BICRA: variants seen among roughly 807,000 people sequenced by gnomAD.
BICRA encodes the protein BRD4 interacting chromatin remodeling complex associated protein.
Under a neutral mutation model 96.9 loss-of-function variants are expected in BICRA, and 31 were observed. The observed-to-expected ratio is 0.32, with a 90% CI of 0.24 to 0.43. BICRA has a LOEUF of 0.43. Among genes scored for constraint, BICRA ranks in the 20% least tolerant of loss-of-function variants. The pLI is 1.00. For synonymous variants in BICRA, 1,350 were observed against 1,071.8 expected (o/e 1.26, Z -5.07); for missense variants, 2,283 against 2,190.3 (o/e 1.04, Z -0.84).
chr19:47,638,941 C>T (rs1972342200), intron 1 of BICRA, among the ~76,000 whole-genome samples: 1 of 152,170 alleles, frequency 6.6e-6, no homozygotes, highest in African/African-American at 2.4e-5. Flanking sequence ...AGGCTGGAGC[C>T]ACCATGCCCT....
Position 47,696,486 on chromosome 19 carries a change from C to T in BICRA, c.3222C>T (p.Pro1074=). The T allele has an allele frequency of 1.9e-6, 3 of 1,604,834 alleles. No individual in the cohort carries two copies. Among genetic ancestry groups the T allele is most frequent in the Non-Finnish European group, 2.6e-6 (3 of 1,175,882 alleles). ...AACTGAGTGGCCTGAAGAAGCCCCC[C>T]ACGCTTCAGCCCAGCAAGGAAGCCT... is the stretch of plus-strand genomic sequence containing the variant. ...ESKLSGLKKP[P]TLQPSKEACF... Residue 1074 remains proline (P), a synonymous_variant, in exon 11 of 15, where the codon CCC becomes CCT. Coordinates refer to ENST00000594866, the MANE Select transcript of BICRA (RefSeq NM_001394372.1).
intron 1 of BICRA, among the ~76,000 whole-genome samples, chr19:47,638,364 C>T (rs1972332042): frequency 6.6e-6 from 1 of 152,174 alleles, no homozygotes; most frequent in African/African-American, 2.4e-5. Context: ...TTTCTCTGGG[C>T]TTTAAAAATT....
Position 47,694,935 on chromosome 19 carries a change from G to T in BICRA, c.2931G>T (p.Gly977=). Residue 977 remains glycine (G), a synonymous_variant, in exon 9 of 15, where the codon GGG becomes GGT. Coordinates refer to ENST00000594866, the MANE Select transcript of BICRA (RefSeq NM_001394372.1). The part of the protein sequence containing the change: ...PSGIILQNKA[G]GAPAAPQTST... ...GAATCATCCTCCAGAACAAGGCTGG[G>T]GGGGCCCCTGCCGCCCCGCAGACCT... is the stretch of plus-strand genomic sequence containing the variant. The T allele has an allele frequency of 1.3e-6, 2 of 1,533,958 alleles. No homozygotes were observed. The highest frequency in any genetic ancestry group is 8.7e-7 in the Non-Finnish European group (1 of 1,148,550).
intron 7 of BICRA, among the ~76,000 whole-genome samples, chr19:47,693,895 C>T (rs2914429): frequency 0.7 from 106,481 of 151,750 alleles, 38,030 homozygotes; most frequent in East Asian, 0.96. Flanking sequence ...GGAGGAGCTG[C>T]GGTGGGGGAC....
In BICRA at chr19:47,684,509, G is replaced by A. The variant is rs565238441; in HGVS notation, c.2283+2357G>A. On this transcript the variant is annotated intron_variant, in intron 7 of 14. Coordinates refer to ENST00000594866, the MANE Select transcript of BICRA (RefSeq NM_001394372.1). ...ATTTCTATATTTTTAGTAGAGAGAT[G>A]GGGTTTCGCCATGTTGGCCAGGCTG... Among the ~76,000 whole-genome samples, 3 of 152,192 alleles carry A rather than the reference G, an allele frequency of 2.0e-5. No homozygotes were observed. The East Asian group carries it at 5.8e-4, about 29-fold the overall frequency.
chr19:47,682,616 G>A (rs1013113438), intron 7 of BICRA, among the ~76,000 whole-genome samples: 4 of 151,518 alleles, frequency 2.6e-5, no homozygotes, highest in African/African-American at 4.9e-5. Flanking sequence ...TTCTGCCTGC[G>A]GTATTGCATC....
intron 7 of BICRA, among the ~76,000 whole-genome samples, chr19:47,686,614 C>T (rs1157317744): frequency 6.6e-6 from 1 of 152,136 alleles, no homozygotes; most frequent in Non-Finnish European, 1.5e-5. Context: ...AAACTCCTGA[C>T]CTCAGGTGAT....
chr19:47,696,595 A>C, intron 11 of BICRA, 83 bp downstream of exon 11: 1 of 1,362,864 alleles, frequency 7.3e-7, no homozygotes, highest in Non-Finnish European at 1.0e-6. Context: ...CCAGAAGCAG[A>C]GTTGGGCAGG....
intron 1 of BICRA, among the ~76,000 whole-genome samples, chr19:47,654,124 G>GC (rs1243216119): frequency 6.6e-6 from 1 of 152,178 alleles, no homozygotes; most frequent in Non-Finnish European, 1.5e-5. Flanking sequence ...GGTTTCCACA[G>GC]CAGCTGCAAC....
At chr19:47,634,132 A>AGTCCTTG (rs1417627617) in intron 1 of BICRA, among the ~76,000 whole-genome samples, 2 of 152,144 alleles carry the variant, frequency 1.3e-5, no homozygotes, top group African/African-American at 2.4e-5. Flanking sequence ...TCAGCTCTCC[A>AGTCCTTG]GTCCTTGCCA....
At chr19:47,655,405 G>C (rs549657504) in intron 1 of BICRA, among the ~76,000 whole-genome samples, 12 of 149,994 alleles carry the variant, frequency 8.0e-5, no homozygotes, top group Admixed American at 6.1e-4. Context: ...CATGCCTTTA[G>C]TTCCAGATAC....
At chr19:47,648,700 A>G (rs1237414710) in intron 1 of BICRA, among the ~76,000 whole-genome samples, 2 of 143,772 alleles carry the variant, frequency 1.4e-5, no homozygotes, top group African/African-American at 2.6e-5. Flanking sequence ...TTTTTTTGAG[A>G]CAGAGTCTTG....
At chr19:47,613,565 G>A (rs150140059) in intron 1 of BICRA, among the ~76,000 whole-genome samples, 3 of 152,226 alleles carry the variant, frequency 2.0e-5, no homozygotes, top group Non-Finnish European at 4.4e-5. Context: ...CCGTGTCCAC[G>A]ATGACAACTG....
chr19:47,694,052 G>A (rs1174364697), intron 7 of BICRA, 63 bp from the exon 8 acceptor site: 3 of 1,447,080 alleles, frequency 2.1e-6, no homozygotes, highest in Non-Finnish European at 2.7e-6. Context: ...GTGTCTTGGG[G>A]CAACAGGAGC....
chr19:47,627,313 G>A (rs1488428809), intron 1 of BICRA, among the ~76,000 whole-genome samples: 1 of 151,882 alleles, frequency 6.6e-6, no homozygotes, highest in African/African-American at 2.4e-5. Flanking sequence ...GCCAACTGTG[G>A]CACTGGAACA....
At chr19:47,662,100 C>T (rs1004252462) in intron 1 of BICRA, 5 of 152,440 alleles carry the variant, frequency 3.3e-5, no homozygotes, top group African/African-American at 4.8e-5. Flanking sequence ...TCCTGGCCAA[C>T]AGAGCGAGAC....
intron 1 of BICRA, among the ~76,000 whole-genome samples, chr19:47,635,810 T>C (rs777857654): frequency 4.1e-4 from 63 of 152,186 alleles, no homozygotes; most frequent in Non-Finnish European, 6.8e-4. Context: ...TAATACTCCA[T>C]TGTGCAGATA....
In BICRA at chr19:47,694,092, CTCTCCCTCCCT is replaced by C; in HGVS notation, c.2284-22_2284-12del. ...GTTGGTTCTGACCCCCGCCCCTCCC[CTCTCCCTCCCT>C]CCCCTGCCCAGATCCCGGCAGCGGC... On this transcript the variant is annotated splice_polypyrimidine_tract_variant and intron_variant, in intron 7 of 14. Transcript: ENST00000594866. 7.1e-7 allele frequency: 1 copy of C among 1,408,826 alleles called. No individual in the cohort carries two copies. 87.3% of individuals were successfully genotyped at this position (1,408,826 alleles called of 1,614,324 possible).
At chr19:47,696,845 ATGGGTGGGGGAAGTGAG>A (rs1160359041) in intron 11 of BICRA, among the ~76,000 whole-genome samples, 4 of 149,000 alleles carry the variant, frequency 2.7e-5, no homozygotes, top group Admixed American at 2.0e-4. Context: ...GGGTGAAGTG[ATGGGTGGGGGAAGTGAG>A]TGGGTGGACA....
Sources: allele counts gnomAD v4.1 joint callset (sites outside exome capture counted in the v4.1 genomes callset), GRCh38; gene constraint gnomAD v4.1.1; transcripts MANE v1.5; gene names NCBI Gene and HGNC (gene_info 2026-07-23, HGNC 2026-07-21).